The following SCN8A variants were observed in gnomAD, a reference collection of about 807,000 sequenced individuals.
The protein encoded by SCN8A is sodium voltage-gated channel alpha subunit 8.
In SCN8A, 30 loss-of-function variants were observed where a neutral mutation model predicts 184.1. The ratio of observed to expected loss-of-function variants is 0.16; its 90% confidence interval spans 0.12 to 0.22. SCN8A has a LOEUF of 0.22. Ranked by LOEUF, SCN8A falls within the 10% of genes least tolerant of loss-of-function variation. The probability of loss-of-function intolerance (pLI) is 1.00; values close to 1 mark genes in which losing one functional copy is unlikely to be tolerated. For synonymous variants in SCN8A, 852 were observed against 907.0 expected, an observed-to-expected ratio of 0.94 and a Z score of 1.09; for missense variants, 1,057 against 2,498.9, an observed-to-expected ratio of 0.42 and a Z score of 12.30.
At chr12:51,751,222 A>C in intron 13 of SCN8A, 133 bp from the exon 14 acceptor site, 1 of 658,808 alleles carries the variant, frequency 1.5e-6, no homozygotes, top group Non-Finnish European at 2.6e-6. Context: ...GAAGGAAAAC[A>C]CTTAGGAATG....
chr12:51,672,844 C>T (rs1018083230), intron 2 of SCN8A, among the ~76,000 whole-genome samples: 7 of 152,158 alleles, frequency 4.6e-5, no homozygotes, highest in Admixed American at 1.3e-4. Context: ...TAATGATGCA[C>T]GCTTTCACAA....
At chr12:51,646,929 A>C (rs912604361) in intron 1 of SCN8A, among the ~76,000 whole-genome samples, 1 of 152,240 alleles carries the variant, frequency 6.6e-6, no homozygotes, top group African/African-American at 2.4e-5. Flanking sequence ...ACCTGTCTTC[A>C]TTTTGGACTG....
chr12:51,652,271 T>A (rs1047682338), intron 1 of SCN8A, among the ~76,000 whole-genome samples: 1 of 152,124 alleles, frequency 6.6e-6, no homozygotes, highest in African/African-American at 2.4e-5. Context: ...TTTTAGTCAG[T>A]CAACAAAACT....
At chr12:51,629,987 G>A (rs965708309) in intron 1 of SCN8A, among the ~76,000 whole-genome samples, 12 of 152,220 alleles carry the variant, frequency 7.9e-5, no homozygotes, top group East Asian at 3.9e-4. Context: ...AGGGAGTGCC[G>A]GGGAAATTAT....
intron 11 of SCN8A, among the ~76,000 whole-genome samples, chr12:51,715,308 C>T (rs976703084): frequency 8.5e-5 from 13 of 152,076 alleles, no homozygotes; most frequent in Non-Finnish European, 7.3e-5. Flanking sequence ...GTCTTATCAT[C>T]CTTATCACTA....
rs1298127852 is a variant in SCN8A, at chr12:51,721,628, G to A, written c.1718G>A (p.Arg573Gln). The stretch of plus-strand genomic sequence containing the variant: ...ATCTTCAGTTTCAGGGGACCTGGGC[G>A]GTTCCGAGACCCGGGCTCCGAGAAT... ...SSIFSFRGPG[R>Q]FRDPGSENEF... The change falls in exon 12 of 27, where the codon CGG becomes CAG. Residue 573 changes from arginine (R) to glutamine (Q), a missense_variant. Transcript: ENST00000627620. The A allele has an allele frequency of 1.2e-6, 2 of 1,612,830 alleles. No individual in the cohort carries two copies. The highest frequency in any genetic ancestry group is 1.7e-6 in the Non-Finnish European group (2 of 1,179,446).
At chr12:51,625,521 A>G in intron 1 of SCN8A, among the ~76,000 whole-genome samples, 1 of 152,300 alleles carries the variant, frequency 6.6e-6, no homozygotes, top group East Asian at 1.9e-4. Flanking sequence ...GTTAACTTGG[A>G]TCAATAACTA....
chr12:51,608,080 G>A (rs1310696928), intron 1 of SCN8A, among the ~76,000 whole-genome samples: 1 of 150,016 alleles, frequency 6.7e-6, no homozygotes, highest in Non-Finnish European at 1.5e-5. Flanking sequence ...GAGTGCAGTG[G>A]CGTGATCTCG....
At chr12:51,634,633 G>GTATTAT (rs200202699) in intron 1 of SCN8A, among the ~76,000 whole-genome samples, 1 of 139,718 alleles carries the variant, frequency 7.2e-6, no homozygotes, top group Non-Finnish European at 1.5e-5. Flanking sequence ...AATGAAATAC[G>GTATTAT]TATTATTATT....
At chr12:51,749,963 C>A (rs1192826521) in intron 13 of SCN8A, among the ~76,000 whole-genome samples, 6 of 152,160 alleles carry the variant, frequency 3.9e-5, no homozygotes, top group African/African-American at 1.4e-4. Flanking sequence ...CCTCTTAGCT[C>A]AGGGTCCTTG....
chr12:51,762,100 A>T (rs1464391454), intron 14 of SCN8A, among the ~76,000 whole-genome samples: 1 of 152,200 alleles, frequency 6.6e-6, no homozygotes, highest in Admixed American at 6.5e-5. Context: ...ATTAGCATTA[A>T]TACTTTATTT....
chr12:51,654,860 C>T (rs1453472173), intron 1 of SCN8A, among the ~76,000 whole-genome samples: 1 of 152,038 alleles, frequency 6.6e-6, no homozygotes, highest in East Asian at 1.9e-4. Context: ...GATCTTCCTT[C>T]CAACATATTT....
At chr12:51,663,169 T>C (rs1940959820) in intron 2 of SCN8A, 76 bp downstream of exon 2, 6 of 1,522,254 alleles carry the variant, frequency 3.9e-6, no homozygotes, top group Middle Eastern at 1.9e-4. Context: ...GAAAGAACTG[T>C]GTCTCTTTGC....
At chr12:51,748,189 G>A (rs188599978) in intron 13 of SCN8A, among the ~76,000 whole-genome samples, 1 of 152,180 alleles carries the variant, frequency 6.6e-6, no homozygotes, top group African/African-American at 2.4e-5. Context: ...AGCATTAAAA[G>A]CCAGCATTGA....
At chr12:51,777,862 CA>C (rs997191410) in intron 20 of SCN8A, among the ~76,000 whole-genome samples, 2 of 152,190 alleles carry the variant, frequency 1.3e-5, no homozygotes, top group African/African-American at 4.8e-5. Flanking sequence ...GAAGCTGACC[CA>C]GGGGACTGTT....
intron 6 of SCN8A, among the ~76,000 whole-genome samples, chr12:51,695,231 C>A (rs529903141): frequency 1.4e-4 from 21 of 152,260 alleles, no homozygotes; most frequent in African/African-American, 4.8e-4. Flanking sequence ...GAAGTATAAG[C>A]AGCTGAATAC....
intron 4 of SCN8A, 83 bp from the exon 5 acceptor site, chr12:51,687,008 A>G: frequency 6.9e-7 from 1 of 1,452,962 alleles, no homozygotes; most frequent in Non-Finnish European, 9.6e-7. Flanking sequence ...AGTTGAAGCA[A>G]CACTTCAGGC....
chr12:51,683,059 C>A (rs1015323564), intron 2 of SCN8A, among the ~76,000 whole-genome samples: 6 of 152,190 alleles, frequency 3.9e-5, no homozygotes, highest in African/African-American at 1.4e-4. Flanking sequence ...CCAGCTCACT[C>A]TCTTTTTTAT....
At chr12:51,734,751 G>A (rs939151781) in intron 12 of SCN8A, among the ~76,000 whole-genome samples, 2 of 152,254 alleles carry the variant, frequency 1.3e-5, no homozygotes, top group African/African-American at 4.8e-5. Context: ...AAAAGCAAGG[G>A]CGGCTTTGTC....
Sources: gnomAD v4.1 joint callset for allele counts (sites outside exome capture counted in the v4.1 genomes callset) on GRCh38, gnomAD v4.1.1 for gene constraint, MANE v1.5 for transcripts, NCBI Gene and HGNC (gene_info 2026-07-23, HGNC 2026-07-21) for gene names.